Variants in ARRDC4 observed in about 807,000 individuals in gnomAD.
ARRDC4 encodes the protein arrestin domain containing 4.
ARRDC4 carries 40 observed loss-of-function variants against 44.6 expected under a neutral mutation model. The observed-to-expected ratio is 0.90, with a 90% CI of 0.70 to 1.17. The LOEUF (loss-of-function observed/expected upper bound fraction) is 1.17. Ranked by LOEUF, ARRDC4 falls within the 50% of genes most tolerant of loss-of-function variation. ARRDC4 has a pLI of 0.00. For synonymous variants in ARRDC4, 211 were observed against 221.2 expected (o/e 0.95, Z 0.41); for missense variants, 550 against 559.1 (o/e 0.98, Z 0.16).
At position 97,969,382 on chromosome 15, in the gene ARRDC4, A is replaced by C; in HGVS notation, c.882+3A>C. ...TCAGAGTGGACTATTCCTTAGCTGTAAGCAAAGCTCTTTTTTAAAAAAAAA... is the reference window on the plus strand; with the variant it reads ...TCAGAGTGGACTATTCCTTAGCTGTCAGCAAAGCTCTTTTTTAAAAAAAAA... On this transcript the variant is annotated splice_donor_region_variant and intron_variant, in intron 5 of 7. Coordinates refer to ENST00000268042, the MANE Select transcript of ARRDC4 (RefSeq NM_183376.3). 2 of 1,576,958 alleles carry C rather than the reference A, an allele frequency of 1.3e-6. No individual in the cohort carries two copies. The highest frequency in any genetic ancestry group is 1.7e-6 in the Non-Finnish European group (2 of 1,166,320).
Position 97,969,921 on chromosome 15 carries a change from C to G in ARRDC4, c.921C>G (p.Leu307=), listed in dbSNP as rs751827556. The change falls in exon 6 of 8, where the codon CTC becomes CTG. Residue 307 remains leucine (L), a synonymous_variant. Coordinates refer to ENST00000268042, the MANE Select transcript of ARRDC4 (RefSeq NM_183376.3). ...TTCCTGGTGCTAAAAAATTGATGCT[C>G]GAACTGCCATTAGTGATCGGTACAA... ...IHIPGAKKLM[L]ELPLVIGTIP... 8.1e-6 allele frequency: 13 copies of G among 1,599,962 alleles called. No homozygotes were observed. In the Admixed American group the frequency reaches 1.5e-4, roughly 19 times the overall value.
Position 97,968,015 on chromosome 15 carries a change from C to T in ARRDC4, c.524C>T (p.Thr175Ile), listed in dbSNP as rs776706325. The change falls in exon 4 of 8, where the codon ACC becomes ATC. Residue 175 changes from threonine (T) to isoleucine (I), a missense_variant and splice_region_variant. Physicochemically the swap from Thr to Ile is moderately conservative, Grantham distance 89. Coordinates refer to ENST00000268042, the MANE Select transcript of ARRDC4 (RefSeq NM_183376.3). This position sits in a 1 kb window ranked among gnomAD's most constrained non-coding sequence, Gnocchi z 5.4. ...HVDVNTPALLTPVLKTQEKMV... is the reference protein window; with the variant it reads ...HVDVNTPALLIPVLKTQEKMV... ...GTTTTATTGTTTGAAATTTTCAAGA[C>T]CCCTGTATTGAAAACTCAAGAGAAA... The T allele has an allele frequency of 1.3e-6, 2 of 1,587,834 alleles. No individual in the cohort carries two copies. The highest frequency in any genetic ancestry group is 4.6e-5 in the East Asian group (2 of 43,398).
chr15:97,961,415 C>T (rs184697643), intron 1 of ARRDC4, among the ~76,000 whole-genome samples: 1 of 152,020 alleles, frequency 6.6e-6, no homozygotes, highest in Admixed American at 6.5e-5. Flanking sequence ...TCTAGGACCG[C>T]GACGGGAGGG....
In ARRDC4 at chr15:97,967,940, A is replaced by G; in HGVS notation, c.523-74A>G. 1.1e-6 allele frequency: 1 copy of G among 896,184 alleles called. No individual in the cohort carries two copies. Among genetic ancestry groups the G allele is most frequent in the East Asian group, 2.7e-5 (1 of 36,630 alleles). 55.5% of individuals were successfully genotyped at this position (896,184 alleles called of 1,614,324 possible). A position where few individuals can be genotyped will look rare whatever the true frequency, so the allele number is the denominator to read the frequency against. On this transcript the variant is annotated intron_variant, in intron 3 of 7. Coordinates refer to ENST00000268042, the MANE Select transcript of ARRDC4 (RefSeq NM_183376.3). This position sits in a 1 kb window ranked among gnomAD's most constrained non-coding sequence, Gnocchi z 5.0. ...TTCCTTACAACCATTCTGTGAAGATAGATATAATTTTAAGTTCTATGAGTT... is the reference window on the plus strand; with the variant it reads ...TTCCTTACAACCATTCTGTGAAGATGGATATAATTTTAAGTTCTATGAGTT...
Position 97,971,309 on chromosome 15 carries a change from G to A in ARRDC4, c.*122G>A. 1 of 998,210 alleles carries A rather than the reference G, an allele frequency of 1.0e-6. No individual in the cohort carries two copies. The highest frequency in any genetic ancestry group is 1.5e-6 in the Non-Finnish European group (1 of 661,576). 61.8% of individuals were successfully genotyped at this position (998,210 alleles called of 1,614,324 possible). On this transcript the variant is annotated 3_prime_UTR_variant, in exon 8 of 8. Transcript: ENST00000268042. ...AACATAAATGAACGTCAAGACTGAA[G>A]GCAATAGAAATTAAAGAATGTGAGA...
rs1180154448 is a variant in ARRDC4 at position 97,972,574 on chromosome 15, G to C, written c.*1387G>C. 5 of 152,454 alleles carry C rather than the reference G, an allele frequency of 3.3e-5. No individual in the cohort carries two copies. The highest frequency in any genetic ancestry group is 1.2e-4 in the African/African-American group (5 of 41,384). 9.4% of individuals were successfully genotyped at this position (152,454 alleles called of 1,614,324 possible). A position where few individuals can be genotyped will look rare whatever the true frequency, so the allele number is the denominator to read the frequency against. On this transcript the variant is annotated 3_prime_UTR_variant, in exon 8 of 8. Transcript: ENST00000268042. The surrounding 1 kb of genome is among the most constrained non-coding windows in gnomAD (Gnocchi z 5.3). ...CTTCCATCTGTTGGTTTTGTGAGCT[G>C]AGAGCATCTCTGGACACATGGAAGG...
intron 1 of ARRDC4, among the ~76,000 whole-genome samples, chr15:97,963,738 G>A (rs965551329): frequency 2.0e-5 from 3 of 152,150 alleles, no homozygotes; most frequent in Non-Finnish European, 4.4e-5. Context: ...AGGATTATCT[G>A]CGGTGCCTGA....
rs1440259267 is a variant in ARRDC4 at position 97,966,690 on chromosome 15, A to G, written c.522+648A>G. On this transcript the variant is annotated intron_variant, in intron 3 of 7. Coordinates refer to ENST00000268042, the MANE Select transcript of ARRDC4 (RefSeq NM_183376.3). This position sits in a 1 kb window ranked among gnomAD's most constrained non-coding sequence, Gnocchi z 4.7. ...GTAACAACAGAATAGGCAAGATGGG[A>G]GCTAATGAGCTAGATTCTTTTATCT... 6.6e-6 allele frequency among the ~76,000 whole-genome samples: 1 copy of G among 152,212 alleles called. No individual in the cohort carries two copies. Among genetic ancestry groups the G allele is most frequent in the Non-Finnish European group, 1.5e-5 (1 of 68,026 alleles).
Position 97,960,763 on chromosome 15 carries a change from A to G in ARRDC4, c.-99A>G. The G allele has an allele frequency of 8.9e-7, 1 of 1,121,552 alleles. No homozygotes were observed. The highest frequency in any genetic ancestry group is 1.1e-6 in the Non-Finnish European group (1 of 882,702). The allele number at this position is 1,121,552 out of a possible 1,614,324, so 69.5% of individuals were successfully genotyped here. ...ACCGCACGGCTGCCGCGGCGGCCTT[A>G]CCCTGCCGCGAGCGCCTGTGACAGC... On this transcript the variant is annotated 5_prime_UTR_variant, in exon 1 of 8. Coordinates refer to ENST00000268042, the MANE Select transcript of ARRDC4 (RefSeq NM_183376.3).
At chr15:97,962,630 C>T (rs993339172) in intron 1 of ARRDC4, among the ~76,000 whole-genome samples, 2 of 152,128 alleles carry the variant, frequency 1.3e-5, no homozygotes, top group African/African-American at 4.8e-5. Context: ...GTCACACACA[C>T]ACATATATAC....
chr15:97,965,695 A>G lies in ARRDC4; in HGVS notation c.374+29A>G, dbSNP rs1285552544. 5.6e-6 allele frequency: 9 copies of G among 1,595,740 alleles called. No individual in the cohort carries two copies. Among genetic ancestry groups the G allele is most frequent in the Non-Finnish European group, 7.7e-6 (9 of 1,163,470 alleles). On this transcript the variant is annotated intron_variant, in intron 2 of 7. Coordinates refer to ENST00000268042, the MANE Select transcript of ARRDC4 (RefSeq NM_183376.3). This position sits in a 1 kb window ranked among gnomAD's most constrained non-coding sequence, Gnocchi z 5.1. ...AGTGAAACACTACAATTTTGTGGTT[A>G]TCCTTCTCTGCAGTATGTCCATTCA... is the stretch of plus-strand genomic sequence containing the variant.
rs1464959590 is a variant in ARRDC4, at chr15:97,966,013, C to T, written c.493C>T (p.His165Tyr). 3 of 1,614,010 alleles carry T rather than the reference C, an allele frequency of 1.9e-6. No individual in the cohort carries two copies. The highest frequency in any genetic ancestry group is 2.5e-6 in the Non-Finnish European group (3 of 1,180,040). Reference protein sequence around the residue: ...SVKRELQVVSHVDVNTPALLT... With the variant: ...SVKRELQVVSYVDVNTPALLT... ...AAAGCGGGAACTCCAGGTTGTTAGT[C>T]ATGTCGATGTCAACACACCAGCATT... is the stretch of plus-strand genomic sequence containing the variant. The change falls in exon 3 of 8, where the codon CAT becomes TAT. Residue 165 changes from histidine to tyrosine, a missense_variant. By Grantham distance (83) the His-to-Tyr change is moderately conservative (BLOSUM62 2). Coordinates refer to ENST00000268042, the MANE Select transcript of ARRDC4 (RefSeq NM_183376.3). The surrounding 1 kb of genome is among the most constrained non-coding windows in gnomAD (Gnocchi z 4.7).
chr15:97,963,069 C>T (rs1346732677), intron 1 of ARRDC4, among the ~76,000 whole-genome samples: 1 of 152,154 alleles, frequency 6.6e-6, no homozygotes. Context: ...TCTTGGTCAC[C>T]CACCAGCAGT....
At chr15:97,964,505 T>G (rs1206071056) in intron 1 of ARRDC4, among the ~76,000 whole-genome samples, 1 of 152,162 alleles carries the variant, frequency 6.6e-6, no homozygotes, top group Non-Finnish European at 1.5e-5. Flanking sequence ...GAAGTCTACT[T>G]TGGATCTGAA....
chr15:97,969,917 T>C lies in ARRDC4; in HGVS notation c.917T>C (p.Met306Thr), dbSNP rs1182626866. 3.1e-6 allele frequency: 5 copies of C among 1,607,294 alleles called. No homozygotes were observed. In the South Asian group the frequency reaches 5.5e-5, roughly 18 times the overall value. Residue 306 changes from methionine (M) to threonine (T), a missense_variant, in exon 6 of 8, where the codon ATG (methionine) becomes ACG (threonine). By Grantham distance (81) the Met-to-Thr change is moderately conservative. Coordinates refer to ENST00000268042, the MANE Select transcript of ARRDC4 (RefSeq NM_183376.3). ...CACATTCCTGGTGCTAAAAAATTGA[T>C]GCTCGAACTGCCATTAGTGATCGGT... ...YIHIPGAKKLMLELPLVIGTI... is the reference protein window; with the variant it reads ...YIHIPGAKKLTLELPLVIGTI...
chr15:97,967,105 CTT>C lies in ARRDC4; in HGVS notation c.523-907_523-906del, dbSNP rs1392144580. On this transcript the variant is annotated intron_variant, in intron 3 of 7. Transcript: ENST00000268042. This position sits in a 1 kb window ranked among gnomAD's most constrained non-coding sequence, Gnocchi z 5.0. Reference sequence around the variant, plus strand: ...CAGCTGGCCTGGCTTATAGCTGGGACTTTAACAGCCGCTTGAAAACCATTTTT... The same window carrying C: ...CAGCTGGCCTGGCTTATAGCTGGGACTAACAGCCGCTTGAAAACCATTTTT... Among the ~76,000 whole-genome samples the C allele has an allele frequency of 6.6e-6, 1 of 152,140 alleles. No homozygotes were observed. Among genetic ancestry groups the C allele is most frequent in the Non-Finnish European group, 1.5e-5 (1 of 68,032 alleles).
rs543326984 is a variant in ARRDC4 at position 97,967,664 on chromosome 15, A to G, written c.523-350A>G. ...CCTTCCACCTGACTTTTATATATAA[A>G]GTCTTAAAAATAATTCTGTCATGTT... On this transcript the variant is annotated intron_variant, in intron 3 of 7. Coordinates refer to ENST00000268042, the MANE Select transcript of ARRDC4 (RefSeq NM_183376.3). The surrounding 1 kb of genome is among the most constrained non-coding windows in gnomAD (Gnocchi z 5.0). 5.9e-5 allele frequency among the ~76,000 whole-genome samples: 9 copies of G among 152,282 alleles called. No individual in the cohort carries two copies. The East Asian group carries it at 1.7e-3, about 29-fold the overall frequency.
In ARRDC4 at chr15:97,965,088, A is replaced by G. The variant is rs1046151914; in HGVS notation, c.308-512A>G. ...ACCTTAGCACTTTAGTAATTGGTCT[A>G]TTTGAGAATGGAATATATGTGTGTA... On this transcript the variant is annotated intron_variant, in intron 1 of 7. Coordinates refer to ENST00000268042, the MANE Select transcript of ARRDC4 (RefSeq NM_183376.3). This position sits in a 1 kb window ranked among gnomAD's most constrained non-coding sequence, Gnocchi z 5.1. Among the ~76,000 whole-genome samples the G allele has an allele frequency of 6.6e-6, 1 of 151,978 alleles. No individual in the cohort carries two copies. Among genetic ancestry groups the G allele is most frequent in the Non-Finnish European group, 1.5e-5 (1 of 68,026 alleles).
Position 97,969,913 on chromosome 15 carries a change from T to A in ARRDC4, c.913T>A (p.Leu305Met), listed in dbSNP as rs1300244307. The change falls in exon 6 of 8, where the codon TTG becomes ATG. Residue 305 changes from leucine to methionine, a missense_variant. Physicochemically the swap from Leu to Met is conservative, Grantham distance 15 (BLOSUM62 2). Transcript: ENST00000268042. ...CATTCACATTCCTGGTGCTAAAAAA[T>A]TGATGCTCGAACTGCCATTAGTGAT... ...VYIHIPGAKK[L>M]MLELPLVIGT... 6.2e-7 allele frequency: 1 copy of A among 1,606,940 alleles called. No individual in the cohort carries two copies. The highest frequency in any genetic ancestry group is 1.3e-5 in the African/African-American group (1 of 74,250).
Sources: gnomAD v4.1 joint callset for allele counts (sites outside exome capture counted in the v4.1 genomes callset) on GRCh38, gnomAD v4.1.1 for gene constraint, Gnocchi (gnomAD v3.1) non-coding constraint, MANE v1.5 for transcripts, NCBI Gene and HGNC (gene_info 2026-07-23, HGNC 2026-07-21) for gene names.